The following DRICH1 variants were observed in gnomAD, a reference collection of about 807,000 sequenced individuals.
DRICH1 encodes the protein aspartate rich 1, also known as aspartate-rich protein 1.
Under a neutral mutation model 39.5 loss-of-function variants are expected in DRICH1, and 38 were observed. The observed-to-expected ratio is 0.96, with a 90% CI of 0.74 to 1.26. DRICH1 has a LOEUF of 1.26. Ranked by LOEUF, DRICH1 falls within the 50% of genes most tolerant of loss-of-function variation. The probability of loss-of-function intolerance (pLI) is 0.00; values close to 1 mark genes in which losing one functional copy is unlikely to be tolerated. For synonymous variants in DRICH1, 84 were observed against 99.5 expected (o/e 0.84, Z 0.93); for missense variants, 279 against 270.4 (o/e 1.03, Z -0.22).
intron 11 of DRICH1, among the ~76,000 whole-genome samples, chr22:23,611,612 C>T (rs1419600226): frequency 2.6e-5 from 4 of 151,962 alleles, no homozygotes; most frequent in Non-Finnish European, 5.9e-5. Flanking sequence ...AGGATGGTCT[C>T]GATTTCCTGA....
rs1199058095 is a variant in DRICH1, at chr22:23,631,800, C to T, written c.208+16G>A. The T allele has an allele frequency of 6.2e-7, 1 of 1,608,734 alleles. No homozygotes were observed. The highest frequency in any genetic ancestry group is 8.5e-7 in the Non-Finnish European group (1 of 1,177,458). Reference sequence around the variant, plus strand: ...GAGGTGTGCCAGAGGGTAAACGGCACCCGTGGCTTTTTTACCTGTGGGCAT... The same window carrying T: ...GAGGTGTGCCAGAGGGTAAACGGCATCCGTGGCTTTTTTACCTGTGGGCAT... On this transcript the variant is annotated intron_variant, in intron 1 of 11. Transcript: ENST00000317749.
chr22:23,585,435 C>T, the DRICH1 span, among the ~76,000 whole-genome samples: 14 of 152,210 alleles, frequency 9.2e-5, no homozygotes, highest in African/African-American at 3.4e-4. Flanking sequence ...CCATGCCCGC[C>T]TAGCAGCGTA....
intron 5 of DRICH1, 121 bp downstream of exon 5, chr22:23,620,473 T>C (rs1331092121): frequency 3.5e-6 from 4 of 1,132,318 alleles, no homozygotes; most frequent in Non-Finnish European, 5.4e-6. Flanking sequence ...GTTATACACT[T>C]GCAGAATCAT....
intron 11 of DRICH1, among the ~76,000 whole-genome samples, chr22:23,609,832 C>T (rs1201708909): frequency 6.6e-6 from 1 of 152,196 alleles, no homozygotes. Context: ...ACCCCATCTG[C>T]TGCAACCTTT....
At chr22:23,624,513 T>C (rs1927945235) in intron 3 of DRICH1, among the ~76,000 whole-genome samples, 1 of 152,164 alleles carries the variant, frequency 6.6e-6, no homozygotes. Flanking sequence ...AAGGTTCTTG[T>C]AAATGCTGTT....
the DRICH1 span, among the ~76,000 whole-genome samples, chr22:23,603,232 AC>A: frequency 6.6e-6 from 1 of 151,498 alleles, no homozygotes; most frequent in African/African-American, 2.4e-5. Context: ...GATTTTTCAT[AC>A]ATGTTTCTGA....
At chr22:23,595,907 G>A in the DRICH1 span, among the ~76,000 whole-genome samples, 2 of 152,174 alleles carry the variant, frequency 1.3e-5, no homozygotes, top group Admixed American at 6.5e-5. Flanking sequence ...CATGGGGGAC[G>A]TTCATAACTG....
chr22:23,589,586 A>T, the DRICH1 span, among the ~76,000 whole-genome samples: 1 of 152,224 alleles, frequency 6.6e-6, no homozygotes, highest in Admixed American at 6.5e-5. Flanking sequence ...TTAACATAAG[A>T]ATGTATTAAT....
At chr22:23,587,774 CT>C in the DRICH1 span, among the ~76,000 whole-genome samples, 1 of 152,210 alleles carries the variant, frequency 6.6e-6, no homozygotes, top group Non-Finnish European at 1.5e-5. Context: ...GTGACAAAGA[CT>C]CTCTCCTTGA....
the DRICH1 span, among the ~76,000 whole-genome samples, chr22:23,600,951 C>T: frequency 6.6e-6 from 1 of 152,110 alleles, no homozygotes; most frequent in Non-Finnish European, 1.5e-5. Flanking sequence ...GGATTACAGG[C>T]GTGAGCCACC....
chr22:23,631,599 T>C (rs1241928216), intron 1 of DRICH1, among the ~76,000 whole-genome samples: 1 of 152,060 alleles, frequency 6.6e-6, no homozygotes, highest in Admixed American at 6.6e-5. Context: ...TGAATTTTCA[T>C]TGAGAAAAGG....
the DRICH1 span, among the ~76,000 whole-genome samples, chr22:23,581,921 A>C: frequency 1.3e-5 from 2 of 149,128 alleles, no homozygotes; most frequent in Non-Finnish European, 3.0e-5. Context: ...ACCATTTTTA[A>C]GTACACAGTT....
At chr22:23,632,425 C>T, upstream of DRICH1, 1 of 263,532 alleles carries the variant, frequency 3.8e-6, no homozygotes, top group Non-Finnish European at 7.4e-6. Context: ...AATGTCCAGC[C>T]CCACAGCCCC....
At chr22:23,605,044 G>A (rs1424254488), downstream of DRICH1, among the ~76,000 whole-genome samples, 5 of 152,108 alleles carry the variant, frequency 3.3e-5, no homozygotes, top group South Asian at 2.1e-4. Flanking sequence ...TGGGCGGGTC[G>A]CCTCACCACT....
chr22:23,582,840 C>T, the DRICH1 span, among the ~76,000 whole-genome samples: 13 of 151,348 alleles, frequency 8.6e-5, no homozygotes, highest in South Asian at 1.9e-3. Context: ...GGATTACAGG[C>T]GTGAGCCATC....
chr22:23,604,606 GGGACTGCT>G (rs1195023496), downstream of DRICH1, among the ~76,000 whole-genome samples: 1 of 152,190 alleles, frequency 6.6e-6, no homozygotes, highest in South Asian at 2.1e-4. Flanking sequence ...CCCTGACAGA[GGGACTGCT>G]GGACTGCTGG....
intron 2 of DRICH1, 60 bp from the exon 3 acceptor site, chr22:23,624,964 A>T (rs1927975662): frequency 6.4e-7 from 1 of 1,561,742 alleles, no homozygotes; most frequent in Non-Finnish European, 8.8e-7. Flanking sequence ...CACCCCCTAC[A>T]CAGATCAGTT....
chr22:23,581,238 C>G, the DRICH1 span: 1 of 152,040 alleles, frequency 6.6e-6, no homozygotes. Flanking sequence ...TCCTCCTGAG[C>G]GGTGAGTGCA....
At chr22:23,595,507 G>T in the DRICH1 span, among the ~76,000 whole-genome samples, 1 of 152,144 alleles carries the variant, frequency 6.6e-6, no homozygotes, top group Non-Finnish European at 1.5e-5. Flanking sequence ...CTGACTTGAG[G>T]TCTAAGTGAT....
Sources: gnomAD v4.1 joint callset for allele counts (sites outside exome capture counted in the v4.1 genomes callset) on GRCh38, gnomAD v4.1.1 for gene constraint, MANE v1.5 for transcripts, NCBI Gene and HGNC (gene_info 2026-07-23, HGNC 2026-07-21) for gene names.